PNPLA1: variants seen among roughly 807,000 people sequenced by gnomAD.
PNPLA1 encodes the protein patatin like domain 1, omega-hydroxyceramide transacylase.
Under a neutral mutation model 51.7 loss-of-function variants are expected in PNPLA1, and 36 were observed. That is an observed-to-expected ratio of 0.70 (90% CI 0.53 to 0.92). The LOEUF (loss-of-function observed/expected upper bound fraction) is 0.92, where lower values mean the gene tolerates loss of function less well. PNPLA1 is among the 40% of genes least tolerant of loss of function. PNPLA1 has a pLI of 0.00. For synonymous variants in PNPLA1, 293 were observed against 280.1 expected (o/e 1.05, Z -0.46); for missense variants, 658 against 682.5 (o/e 0.96, Z 0.40).
chr6:36,266,115 A>G (rs750915827), upstream of PNPLA1, among the ~76,000 whole-genome samples: 4 of 152,232 alleles, frequency 2.6e-5, no homozygotes, highest in African/African-American at 4.8e-5. Context: ...CCAAGAACTG[A>G]TACCCACTGG....
rs1771353508 is a variant in PNPLA1 at position 36,310,070 on chromosome 6, A to G, written c.1596-1693A>G. ...AAATTCATACTCTGATGCAAACTGT[A>G]TTAGTCAGTTGTTGCTGCTATGATA... On this transcript the variant is annotated intron_variant, in intron 8 of 8. Transcript: ENST00000636260. Among the ~76,000 whole-genome samples, 3 of 152,222 alleles carry G rather than the reference A, an allele frequency of 2.0e-5. No homozygotes were observed. In the South Asian group the frequency reaches 6.2e-4, roughly 31 times the overall value.
At chr6:36,277,011 C>T (rs1332687884) in intron 1 of PNPLA1, among the ~76,000 whole-genome samples, 1 of 152,178 alleles carries the variant, frequency 6.6e-6, no homozygotes, top group East Asian at 1.9e-4. Context: ...CATGGAAGGC[C>T]TCATAGAAGC....
intron 7 of PNPLA1, among the ~76,000 whole-genome samples, chr6:36,307,360 C>T (rs1771269216): frequency 6.6e-6 from 1 of 152,136 alleles, no homozygotes; most frequent in Non-Finnish European, 1.5e-5. Context: ...TTTGCATTTA[C>T]ATATAACTCT....
intron 1 of PNPLA1, among the ~76,000 whole-genome samples, chr6:36,254,593 A>AC (rs923217170): frequency 6.6e-6 from 1 of 151,122 alleles, no homozygotes; most frequent in African/African-American, 2.4e-5. Flanking sequence ...AAAAAAAAAA[A>AC]CAAAAAACAG....
intron 4 of PNPLA1, 90 bp from the exon 5 acceptor site, chr6:36,295,274 A>G: frequency 1.5e-6 from 2 of 1,310,390 alleles, no homozygotes; most frequent in Non-Finnish European, 2.2e-6. Flanking sequence ...AAAATTCAAG[A>G]GCAATGGGAG....
chr6:36,282,212 G>GGAAGGAAGGAA (rs1554136650), intron 1 of PNPLA1, among the ~76,000 whole-genome samples: 4 of 108,730 alleles, frequency 3.7e-5, no homozygotes, highest in African/African-American at 6.8e-5. Context: ...AAGGAAGGAA[G>GGAAGGAAGGAA]GGAAGGAAGG....
intron 1 of PNPLA1, among the ~76,000 whole-genome samples, chr6:36,251,038 A>G (rs1382934885): frequency 6.6e-6 from 1 of 152,118 alleles, no homozygotes; most frequent in East Asian, 1.9e-4. Context: ...CGTTTTGCTC[A>G]CCAATGCATC....
chr6:36,267,283 C>T (rs928086830), upstream of PNPLA1, among the ~76,000 whole-genome samples: 3 of 152,220 alleles, frequency 2.0e-5, no homozygotes, highest in Admixed American at 2.0e-4. Context: ...AAGGAACCTT[C>T]TCAAGAGTTT....
At chr6:36,263,162 TAAAAG>T (rs966725519) in intron 1 of PNPLA1, among the ~76,000 whole-genome samples, 23 of 152,140 alleles carry the variant, frequency 1.5e-4, no homozygotes, top group African/African-American at 4.1e-4. Flanking sequence ...ATATAAACTA[TAAAAG>T]AAAAGAATGA....
intron 6 of PNPLA1, among the ~76,000 whole-genome samples, chr6:36,304,429 C>G (rs944943687): frequency 2.0e-5 from 3 of 151,976 alleles, no homozygotes; most frequent in Non-Finnish European, 4.4e-5. Flanking sequence ...AGTTCGAGAC[C>G]AGCCTAGCCA....
rs773899785 is a variant in PNPLA1, at chr6:36,295,373, G to GATTACTACT, written c.726_734dup (p.Tyr243_Tyr245dup). 4 of 1,614,042 alleles carry GATTACTACT rather than the reference G, an allele frequency of 2.5e-6. No individual in the cohort carries two copies. The highest frequency in any genetic ancestry group is 1.3e-5 in the African/African-American group (1 of 74,912). On this transcript the variant is annotated inframe_insertion, in exon 5 of 9. Coordinates refer to ENST00000636260, the MANE Select transcript of PNPLA1 (RefSeq NM_001374623.1). ...GTGCCTCCGCCCACAGATCCTGCAC[G>GATTACTACT]ATTACTACTACCGAGGGTACGAGGA...
intron 5 of PNPLA1, 135 bp from the exon 6 acceptor site, chr6:36,301,726 T>G (rs1014485506): frequency 2.4e-6 from 3 of 1,248,032 alleles, no homozygotes; most frequent in African/African-American, 1.5e-5. Context: ...TTTCACTCAC[T>G]GTAAATTCAA....
rs1770773123 is a variant in PNPLA1, at chr6:36,294,005, A to G, written c.505-185A>G. ...TCCAGAGGCCAATGCAGACTCACTA[A>G]GTGACCAGGGGCACACCACGCACCC... On this transcript the variant is annotated intron_variant, in intron 3 of 8. Coordinates refer to ENST00000636260, the MANE Select transcript of PNPLA1 (RefSeq NM_001374623.1). The surrounding 1 kb of genome is among the most constrained non-coding windows in gnomAD (Gnocchi z 4.2). 6.6e-6 allele frequency among the ~76,000 whole-genome samples: 1 copy of G among 152,132 alleles called. No individual in the cohort carries two copies.
rs181044507 is a variant in PNPLA1, at chr6:36,272,393, C to T, written c.205+1729C>T. On this transcript the variant is annotated intron_variant, in intron 1 of 8. Transcript: ENST00000636260. ...GGCGGTAATGTGAGTGATGGGGAGC[C>T]GCTGTAAATACAGAAGAAGCTTCAC... 6.6e-5 allele frequency among the ~76,000 whole-genome samples: 10 copies of T among 152,274 alleles called. No individual in the cohort carries two copies. In the South Asian group the frequency reaches 1.7e-3, roughly 25 times the overall value.
upstream of PNPLA1, among the ~76,000 whole-genome samples, chr6:36,265,514 C>T (rs184574621): frequency 7.9e-5 from 12 of 152,272 alleles, no homozygotes; most frequent in East Asian, 5.8e-4. Flanking sequence ...ATTTTACCTA[C>T]GATAACAAAG....
chr6:36,294,509 A>C lies in PNPLA1; in HGVS notation c.714+110A>C. On this transcript the variant is annotated intron_variant, in intron 4 of 8. Transcript: ENST00000636260. The surrounding 1 kb of genome is among the most constrained non-coding windows in gnomAD (Gnocchi z 4.2). ...TTCCATCTGAGTCTCCTCCCCTCAAATGGTCCTTTAAACTTCCTCCTAGAC... is the reference window on the plus strand; with the variant it reads ...TTCCATCTGAGTCTCCTCCCCTCAACTGGTCCTTTAAACTTCCTCCTAGAC... The C allele has an allele frequency of 1.9e-6, 2 of 1,031,490 alleles. No homozygotes were observed. The highest frequency in any genetic ancestry group is 2.5e-5 in the East Asian group (1 of 40,182). 63.9% of individuals were successfully genotyped at this position (1,031,490 alleles called of 1,614,324 possible).
upstream of PNPLA1, among the ~76,000 whole-genome samples, chr6:36,269,201 G>A (rs1171305623): frequency 6.6e-6 from 1 of 152,196 alleles, no homozygotes; most frequent in Non-Finnish European, 1.5e-5. Context: ...GCACTTGGTG[G>A]AGGCCTTGGT....
chr6:36,308,070 T>C (rs1771297162), intron 8 of PNPLA1: 1 of 164,442 alleles, frequency 6.1e-6, no homozygotes, highest in Non-Finnish European at 1.3e-5. Flanking sequence ...TTTGTATTTA[T>C]GCTACTTAAA....
chr6:36,273,357 G>C (rs1769985353), intron 1 of PNPLA1, among the ~76,000 whole-genome samples: 1 of 152,070 alleles, frequency 6.6e-6, no homozygotes, highest in African/African-American at 2.4e-5. Context: ...AGTGTTAAGG[G>C]CTAGGCATGG....
Sources: gnomAD v4.1 joint callset for allele counts (sites outside exome capture counted in the v4.1 genomes callset) on GRCh38, gnomAD v4.1.1 for gene constraint, Gnocchi (gnomAD v3.1) non-coding constraint, MANE v1.5 for transcripts, NCBI Gene and HGNC (gene_info 2026-07-23, HGNC 2026-07-21) for gene names.